The following JAK2 variants were observed in gnomAD, a reference collection of about 807,000 sequenced individuals.
JAK2 encodes the protein Janus kinase 2, also known as tyrosine-protein kinase JAK2.
A neutral mutation model predicts 139.3 loss-of-function variants in JAK2; 86 were observed. That is an observed-to-expected ratio of 0.62 (90% confidence interval 0.52 to 0.74). JAK2 has a LOEUF of 0.74. Ranked by LOEUF, JAK2 falls within the 30% of genes least tolerant of loss-of-function variation. JAK2 has a pLI of 0.00. For missense variants in JAK2, 1,421 were observed against 1,360.3 expected (o/e 1.04, Z -0.70); for synonymous variants, 490 against 437.7 (o/e 1.12, Z -1.49).
chr9:5,047,092 G>C (rs1399138606), intron 5 of JAK2, among the ~76,000 whole-genome samples: 1 of 152,056 alleles, frequency 6.6e-6, no homozygotes, highest in African/African-American at 2.4e-5. Flanking sequence ...TGTCTAGATA[G>C]TACCACAAGC....
At chr9:5,041,262 A>AGTGTGG in intron 4 of JAK2, 2 of 1,365,156 alleles carry the variant, frequency 1.5e-6, no homozygotes, top group Non-Finnish European at 2.1e-6. Flanking sequence ...CACATCATCG[A>AGTGTGG]CCTCGGGCTG....
At chr9:5,013,399 A>G (rs1821830182) in intron 2 of JAK2, among the ~76,000 whole-genome samples, 1 of 152,250 alleles carries the variant, frequency 6.6e-6, no homozygotes, top group Non-Finnish European at 1.5e-5. Context: ...TATATCTTGC[A>G]ATAGAATGCA....
intron 16 of JAK2, among the ~76,000 whole-genome samples, chr9:5,079,574 C>T (rs919706845): frequency 6.6e-6 from 1 of 151,760 alleles, no homozygotes; most frequent in African/African-American, 2.4e-5. Flanking sequence ...TGTAACATTA[C>T]CTTTACTACT....
chr9:5,037,753 G>A (rs1034645268), intron 4 of JAK2, among the ~76,000 whole-genome samples: 1 of 152,140 alleles, frequency 6.6e-6, no homozygotes, highest in Non-Finnish European at 1.5e-5. Flanking sequence ...TATACCTAAT[G>A]TTAAATGACG....
rs201572203 is a variant in JAK2 at position 5,122,947 on chromosome 9, A to G, written c.3060-57A>G. 1.9e-3 allele frequency: 2,044 copies of G among 1,082,472 alleles called. 7 individuals carry two copies. The highest frequency in any genetic ancestry group is 2.2e-3 in the Admixed American group (100 of 45,070). The allele number at this position is 1,082,472 out of a possible 1,614,324, so 67.1% of individuals were successfully genotyped here. A position where few individuals can be genotyped will look rare whatever the true frequency, so the allele number is the denominator to read the frequency against. On this transcript the variant is annotated intron_variant, in intron 22 of 24. Transcript: ENST00000381652. ...AATTTATACAATGATTTGCAGGTAA[A>G]ATCAAGAGTCCACATATCAAGTAAC... is the stretch of plus-strand genomic sequence containing the variant.
At chr9:5,041,998 GCCCAC>G (rs1321979551) in intron 4 of JAK2, 1 of 354,292 alleles carries the variant, frequency 2.8e-6, no homozygotes, top group Non-Finnish European at 5.5e-6. Context: ...GGGCCTTGGG[GCCCAC>G]CCACAGCGGC....
At chr9:5,099,531 C>T (rs972969395) in intron 22 of JAK2, 7 of 152,042 alleles carry the variant, frequency 4.6e-5, no homozygotes, top group African/African-American at 1.7e-4. Flanking sequence ...ATAATCAAAA[C>T]ACAAAAACAC....
intron 4 of JAK2, among the ~76,000 whole-genome samples, chr9:5,030,230 A>T (rs1211484406): frequency 6.6e-6 from 1 of 152,212 alleles, no homozygotes; most frequent in Non-Finnish European, 1.5e-5. Context: ...TGGTTTGTGC[A>T]GCGTTTTGTG....
intron 2 of JAK2, among the ~76,000 whole-genome samples, chr9:5,000,619 A>G (rs867727266): frequency 6.6e-5 from 10 of 152,112 alleles, no homozygotes; most frequent in Non-Finnish European, 1.3e-4. Context: ...TTTTGAGCTT[A>G]TGTTTCATCA....
At position 5,128,492 on chromosome 9, in the gene JAK2, A is replaced by G. The variant is rs1341789495; in HGVS notation, c.*1701A>G. On this transcript the variant is annotated 3_prime_UTR_variant, in exon 25 of 25. Transcript: ENST00000381652. ...AGTGAAAAATAGCCTATCATACAAT[A>G]TGCTTGATTTCAGATTTTCATACTA... 1.3e-5 allele frequency among the ~76,000 whole-genome samples: 2 copies of G among 151,886 alleles called. No individual in the cohort carries two copies. The highest frequency in any genetic ancestry group is 3.0e-5 in the Non-Finnish European group (2 of 67,778).
chr9:5,067,431 C>T (rs1818645238), intron 10 of JAK2, among the ~76,000 whole-genome samples: 1 of 151,946 alleles, frequency 6.6e-6, no homozygotes, highest in Non-Finnish European at 1.5e-5. Context: ...GCAAATTTAT[C>T]TTGCTTTTTT....
Position 5,029,038 on chromosome 9 carries a change from C to G in JAK2, c.227-745C>G, listed in dbSNP as rs147246312. Among the ~76,000 whole-genome samples the G allele has an allele frequency of 4.1e-3, 626 of 152,316 alleles. 5 individuals are homozygous for G. The highest frequency in any genetic ancestry group is 0.014 in the African/African-American group (600 of 41,562). Reference sequence around the variant, plus strand: ...TGATTGACTGGTGCAGGAGGCCTGGCTTTTAGCCTCTCTTGGCTTTTAATA... The same window carrying G: ...TGATTGACTGGTGCAGGAGGCCTGGGTTTTAGCCTCTCTTGGCTTTTAATA... On this transcript the variant is annotated intron_variant, in intron 3 of 24. Transcript: ENST00000381652.
chr9:5,061,064 A>G (rs1367589559), intron 8 of JAK2, among the ~76,000 whole-genome samples: 2 of 152,228 alleles, frequency 1.3e-5, no homozygotes, highest in African/African-American at 4.8e-5. Flanking sequence ...GATCTTAACA[A>G]TGGGCTTAAA....
intron 19 of JAK2, among the ~76,000 whole-genome samples, chr9:5,084,691 A>C (rs1390945439): frequency 6.6e-6 from 1 of 152,086 alleles, no homozygotes; most frequent in Non-Finnish European, 1.5e-5. Flanking sequence ...TTTTAAATTA[A>C]TTTTAACATG....
chr9:5,077,313 A>G, intron 14 of JAK2, 140 bp from the exon 15 acceptor site: 1 of 293,150 alleles, frequency 3.4e-6, no homozygotes, highest in Non-Finnish European at 6.3e-6. Context: ...GTATCCATTA[A>G]GTTTTCTTTA....
In JAK2 at chr9:5,054,507, T is replaced by C. The variant is rs972208873; in HGVS notation, c.615-56T>C. On this transcript the variant is annotated intron_variant, in intron 6 of 24. Coordinates refer to ENST00000381652, the MANE Select transcript of JAK2 (RefSeq NM_004972.4). This position sits in a 1 kb window ranked among gnomAD's most constrained non-coding sequence, Gnocchi z 4.9. ...GTAACTTCTTTTTCAATTTTTAGATTTATCTTCCAATTTTTGTTTTGTTTT... is the reference window on the plus strand; with the variant it reads ...GTAACTTCTTTTTCAATTTTTAGATCTATCTTCCAATTTTTGTTTTGTTTT... 7.1e-7 allele frequency: 1 copy of C among 1,408,250 alleles called. No homozygotes were observed. 87.2% of individuals were successfully genotyped at this position (1,408,250 alleles called of 1,614,324 possible). A position where few individuals can be genotyped will look rare whatever the true frequency, so the allele number is the denominator to read the frequency against.
intron 2 of JAK2, among the ~76,000 whole-genome samples, chr9:4,991,422 G>C (rs1464974734): frequency 1.3e-5 from 2 of 152,044 alleles, no homozygotes; most frequent in African/African-American, 2.4e-5. Context: ...AATGCTATTA[G>C]GTAATATTTT....
chr9:5,123,249 A>AG (rs1564027225), intron 23 of JAK2, 128 bp downstream of exon 23: 10 of 570,638 alleles, frequency 1.8e-5, no homozygotes, highest in Non-Finnish European at 3.2e-5. Flanking sequence ...CTTTTAGGGT[A>AG]TCCACCACCT....
chr9:5,064,984 A>C lies in JAK2; in HGVS notation c.1158A>C (p.Glu386Asp), dbSNP rs1456031294. 6.2e-7 allele frequency: 1 copy of C among 1,610,882 alleles called. No homozygotes were observed. The highest frequency in any genetic ancestry group is 8.5e-7 in the Non-Finnish European group (1 of 1,178,176). ...TADAHHYLCKEVAPPAVLENI... is the reference protein window; with the variant it reads ...TADAHHYLCKDVAPPAVLENI... ...ATGCACATCATTACCTCTGTAAAGA[A>C]GTAGCACCTCCAGCCGTGCTTGAAA... Residue 386 changes from glutamate to aspartate, a missense_variant, in exon 9 of 25, where the codon GAA becomes GAC. Coordinates refer to ENST00000381652, the MANE Select transcript of JAK2 (RefSeq NM_004972.4).
Sources: allele counts gnomAD v4.1 joint callset (sites outside exome capture counted in the v4.1 genomes callset), GRCh38; gene constraint gnomAD v4.1.1; non-coding constraint Gnocchi (gnomAD v3.1); transcripts MANE v1.5; gene names NCBI Gene and HGNC (gene_info 2026-07-23, HGNC 2026-07-21).